ZNF407: variants seen among roughly 807,000 people sequenced by gnomAD.
ZNF407 encodes zinc finger protein 407.
ZNF407 carries 17 observed loss-of-function variants against 131.2 expected under a neutral mutation model. The ratio of observed to expected loss-of-function variants is 0.13; its 90% CI spans 0.09 to 0.19. The LOEUF is 0.19. ZNF407 is among the 10% of genes least tolerant of loss of function. The pLI, the probability that ZNF407 is intolerant of heterozygous loss-of-function variation, is 1.00. For missense variants in ZNF407, 2,681 were observed against 2,830.6 expected, an observed-to-expected ratio of 0.95 and a Z score of 1.20; for synonymous variants, 1,156 against 1,062.0, an observed-to-expected ratio of 1.09 and a Z score of -1.72.
chr18:74,994,379 C>CA (rs1972754491), intron 8 of ZNF407, among the ~76,000 whole-genome samples: 1 of 152,142 alleles, frequency 6.6e-6, no homozygotes, highest in African/African-American at 2.4e-5. Flanking sequence ...TAAAAAGTTA[C>CA]AAAAAATAAG....
At chr18:74,987,851 C>CA (rs1221726556) in intron 8 of ZNF407, among the ~76,000 whole-genome samples, 1 of 152,152 alleles carries the variant, frequency 6.6e-6, no homozygotes, top group African/African-American at 2.4e-5. Context: ...TGGGAGGACT[C>CA]AGTGTTGTTA....
chr18:74,868,708 C>G (rs2145169475), intron 4 of ZNF407, among the ~76,000 whole-genome samples: 1 of 152,360 alleles, frequency 6.6e-6, no homozygotes, highest in East Asian at 1.9e-4. Context: ...CCACTTGGCT[C>G]TGTCCTTGAG....
At chr18:74,889,194 G>A (rs981037958) in intron 6 of ZNF407, among the ~76,000 whole-genome samples, 1 of 152,152 alleles carries the variant, frequency 6.6e-6, no homozygotes, top group African/African-American at 2.4e-5. Context: ...GTAAGTGCAT[G>A]CAGGATATTC....
Position 74,746,198 on chromosome 18 carries a change from G to A in ZNF407, c.4803-35230G>A, listed in dbSNP as rs192413807. Among the ~76,000 whole-genome samples, 6 of 152,228 alleles carry A rather than the reference G, an allele frequency of 3.9e-5. No individual in the cohort carries two copies. The East Asian group carries it at 1.2e-3, about 29-fold the overall frequency. The stretch of plus-strand genomic sequence containing the variant: ...AAGAGTACAGTACGAAAGATAAAAA[G>A]GGGTGCAGTTGTATCTGTGCAGGGC... On this transcript the variant is annotated intron_variant, in intron 3 of 8. Transcript: ENST00000299687.
intron 8 of ZNF407, among the ~76,000 whole-genome samples, chr18:74,922,840 C>T (rs967992948): frequency 2.0e-5 from 3 of 152,136 alleles, no homozygotes; most frequent in Admixed American, 6.5e-5. Context: ...GCATGACCTT[C>T]GGGGAAGATG....
intron 7 of ZNF407, among the ~76,000 whole-genome samples, chr18:74,912,489 T>A (rs1971687809): frequency 6.6e-6 from 1 of 152,180 alleles, no homozygotes. Flanking sequence ...AGTCCAGAAT[T>A]CACCTTACAT....
At chr18:74,622,091 G>A (rs1983535530) in intron 1 of ZNF407, among the ~76,000 whole-genome samples, 1 of 151,976 alleles carries the variant, frequency 6.6e-6, no homozygotes, top group Non-Finnish European at 1.5e-5. Context: ...TCCTTCATAG[G>A]ATCAGATACT....
At chr18:74,709,323 G>T (rs1239780984) in intron 3 of ZNF407, among the ~76,000 whole-genome samples, 1 of 152,068 alleles carries the variant, frequency 6.6e-6, no homozygotes, top group African/African-American at 2.4e-5. Flanking sequence ...CACTTTTCTA[G>T]AACTTATCTC....
chr18:74,976,555 A>G (rs1372499340), intron 8 of ZNF407, among the ~76,000 whole-genome samples: 1 of 152,232 alleles, frequency 6.6e-6, no homozygotes, highest in Non-Finnish European at 1.5e-5. Context: ...TTGGAACTAA[A>G]TAAACAATGA....
At chr18:74,991,123 T>C (rs887153847) in intron 8 of ZNF407, among the ~76,000 whole-genome samples, 6 of 152,220 alleles carry the variant, frequency 3.9e-5, no homozygotes, top group African/African-American at 1.4e-4. Context: ...TTCTAGTTTA[T>C]TTAATTACCT....
At chr18:75,020,540 C>T (rs1038137509) in intron 8 of ZNF407, among the ~76,000 whole-genome samples, 2 of 152,008 alleles carry the variant, frequency 1.3e-5, no homozygotes, top group African/African-American at 4.8e-5. Context: ...TCTTCTATGC[C>T]TAGAAGATTC....
intron 8 of ZNF407, among the ~76,000 whole-genome samples, chr18:74,946,544 C>G (rs569997155): frequency 6.6e-4 from 100 of 152,274 alleles, no homozygotes; most frequent in African/African-American, 2.3e-3. Context: ...TACAGTGATT[C>G]ATTTGTCTGT....
chr18:74,781,932 T>C (rs987128445), intron 4 of ZNF407, among the ~76,000 whole-genome samples: 2 of 152,206 alleles, frequency 1.3e-5, no homozygotes, highest in African/African-American at 4.8e-5. Flanking sequence ...ATACATCTTG[T>C]GTCATCCCCC....
intron 3 of ZNF407, among the ~76,000 whole-genome samples, chr18:74,685,784 C>T (rs981400691): frequency 4.6e-5 from 7 of 152,348 alleles, no homozygotes; most frequent in Admixed American, 4.6e-4. Context: ...TCACATGCCG[C>T]CTTCGAAGTG....
chr18:74,651,575 G>T (rs768998756), intron 3 of ZNF407, among the ~76,000 whole-genome samples: 2 of 152,156 alleles, frequency 1.3e-5, no homozygotes, highest in Non-Finnish European at 2.9e-5. Context: ...AGAATATTTG[G>T]CAGTCAGAAG....
In ZNF407 at chr18:74,632,729, G is replaced by A. The variant is rs1232151036; in HGVS notation, c.1710G>A (p.Arg570=). ...RTCDFSSMSR[R]DLDEHLHSNQ... ...GTGACTTCTCTAGTATGTCAAGAAGGGACTTAGATGAACATTTGCACAGTA... is the reference window on the plus strand; with the variant it reads ...GTGACTTCTCTAGTATGTCAAGAAGAGACTTAGATGAACATTTGCACAGTA... Residue 570 remains arginine (R), a synonymous_variant, in exon 2 of 9, where the codon AGG becomes AGA. Transcript: ENST00000299687. The A allele has an allele frequency of 5.6e-6, 9 of 1,613,830 alleles. No individual in the cohort carries two copies. In the Admixed American group the frequency reaches 6.7e-5, roughly 12 times the overall value.
chr18:74,929,340 A>G (rs1971954684), intron 8 of ZNF407, among the ~76,000 whole-genome samples: 1 of 152,102 alleles, frequency 6.6e-6, no homozygotes, highest in East Asian at 1.9e-4. Context: ...ATCTTATCAG[A>G]GCTCACATTT....
chr18:75,020,029 T>G (rs1973088729), intron 8 of ZNF407, among the ~76,000 whole-genome samples: 1 of 152,110 alleles, frequency 6.6e-6, no homozygotes, highest in African/African-American at 2.4e-5. Flanking sequence ...CCACCTAGTA[T>G]CCATCCTGGT....
intron 3 of ZNF407, among the ~76,000 whole-genome samples, chr18:74,676,445 T>A (rs1295750785): frequency 6.7e-6 from 1 of 150,200 alleles, no homozygotes; most frequent in Admixed American, 6.6e-5. Context: ...GCATTTTTTT[T>A]TTTTTTTTTG....
Sources: allele counts gnomAD v4.1 joint callset (sites outside exome capture counted in the v4.1 genomes callset), GRCh38; gene constraint gnomAD v4.1.1; transcripts MANE v1.5; gene names NCBI Gene and HGNC (gene_info 2026-07-23, HGNC 2026-07-21).